Variants in FAM3D observed in about 807,000 individuals in gnomAD.
The protein encoded by FAM3D is protein FAM3D.
Under a neutral mutation model 29.8 loss-of-function variants are expected in FAM3D, and 26 were observed. The ratio of observed to expected loss-of-function variants is 0.87; its 90% CI spans 0.64 to 1.21. FAM3D has a LOEUF of 1.21. FAM3D is among the 50% of genes most tolerant of loss of function. FAM3D has a pLI of 0.00. For synonymous variants in FAM3D, 115 were observed against 102.3 expected (o/e 1.12, Z -0.75); for missense variants, 253 against 290.9 (o/e 0.87, Z 0.95).
chr3:58,641,913 G>C (rs1363738357), intron 6 of FAM3D, among the ~76,000 whole-genome samples: 1 of 152,198 alleles, frequency 6.6e-6, no homozygotes, highest in Non-Finnish European at 1.5e-5. Context: ...ACCCATTTAG[G>C]GGAGAAAGTC....
chr3:58,653,687 C>T lies in FAM3D; in HGVS notation c.108G>A (p.Leu36=), dbSNP rs774015496. 1.3e-5 allele frequency: 21 copies of T among 1,613,734 alleles called. No individual in the cohort carries two copies. Among genetic ancestry groups the T allele is most frequent in the Non-Finnish European group, 2.5e-6 (3 of 1,180,036 alleles). Residue 36 remains leucine (L), a synonymous_variant, in exon 3 of 10, where the codon CTG becomes CTA. Transcript: ENST00000358781. The part of the protein sequence containing the change: ...YMSFSMKTIR[L]PRWLAASPTK... ...AGCCCCACTCACCCAGCCAGCGTGG[C>T]AGACGGATGGTTTTCATGCTGAAGC...
Position 58,633,988 on chromosome 3 carries a change from G to A in FAM3D, c.*291C>T, listed in dbSNP as rs974911034. 2.0e-5 allele frequency: 8 copies of A among 408,828 alleles called. No individual in the cohort carries two copies. Among genetic ancestry groups the A allele is most frequent in the Non-Finnish European group, 3.5e-5 (8 of 228,694 alleles). The allele number at this position is 408,828 out of a possible 1,614,324, so 25.3% of individuals were successfully genotyped here. On this transcript the variant is annotated 3_prime_UTR_variant, in exon 10 of 10. Coordinates refer to ENST00000358781, the MANE Select transcript of FAM3D (RefSeq NM_138805.3). ...TAAAATTTAATTGGGCTCAAGTCTG[G>A]GCAGTTTGTCCTTCCTCAGGACCAG...
intron 6 of FAM3D, among the ~76,000 whole-genome samples, chr3:58,640,874 T>C (rs1027386495): frequency 1.2e-4 from 19 of 152,164 alleles, no homozygotes; most frequent in Admixed American, 4.6e-4. Context: ...GCCTAGGCTG[T>C]CCAGGTGGCG....
chr3:58,653,236 G>A (rs1371417112), intron 3 of FAM3D, among the ~76,000 whole-genome samples: 5 of 152,196 alleles, frequency 3.3e-5, no homozygotes, highest in African/African-American at 4.8e-5. Flanking sequence ...GCTGAAACTC[G>A]AAGGCTGAGA....
intron 2 of FAM3D, 22 bp downstream of exon 2, chr3:58,655,529 C>T (rs751875575): frequency 3.1e-6 from 5 of 1,613,342 alleles, no homozygotes; most frequent in Non-Finnish European, 4.2e-6. Context: ...AAAATGACTC[C>T]AAAACCAATT....
At chr3:58,640,408 CT>C (rs2106745437) in intron 6 of FAM3D, among the ~76,000 whole-genome samples, 1 of 152,320 alleles carries the variant, frequency 6.6e-6, no homozygotes, top group South Asian at 2.1e-4. Flanking sequence ...CGAACTGAGT[CT>C]ACTCAGTCTG....
intron 1 of FAM3D, 118 bp downstream of exon 1, chr3:58,666,458 T>C: frequency 6.6e-6 from 1 of 152,280 alleles, no homozygotes; most frequent in African/African-American, 2.4e-5. Flanking sequence ...TTCTTTCCTT[T>C]CATCATTCTG....
intron 6 of FAM3D, among the ~76,000 whole-genome samples, chr3:58,642,922 C>A (rs1360236924): frequency 2.0e-5 from 3 of 152,182 alleles, no homozygotes; most frequent in Admixed American, 2.0e-4. Context: ...TGTTGCCCTG[C>A]AAACCTCTCT....
intron 1 of FAM3D, among the ~76,000 whole-genome samples, chr3:58,663,259 C>T (rs1180829229): frequency 6.6e-6 from 1 of 152,174 alleles, no homozygotes. Flanking sequence ...GCTGGAGTGG[C>T]TAAGTTGAGA....
chr3:58,663,575 C>T (rs768135503), intron 1 of FAM3D, among the ~76,000 whole-genome samples: 29 of 152,164 alleles, frequency 1.9e-4, no homozygotes, highest in Admixed American at 1.7e-3. Context: ...AAGAAAGACT[C>T]GGATTACACT....
intron 1 of FAM3D, among the ~76,000 whole-genome samples, chr3:58,656,379 C>T (rs1303233942): frequency 2.0e-5 from 3 of 152,192 alleles, no homozygotes; most frequent in African/African-American, 7.2e-5. Context: ...GCTGAACACT[C>T]CCTGAAACCC....
intron 3 of FAM3D, among the ~76,000 whole-genome samples, chr3:58,650,438 C>T (rs1176859864): frequency 6.6e-6 from 1 of 152,068 alleles, no homozygotes; most frequent in Non-Finnish European, 1.5e-5. Context: ...AGAGAAAGTG[C>T]TTTTTCAGCC....
chr3:58,650,874 C>T (rs956068285), intron 3 of FAM3D, among the ~76,000 whole-genome samples: 10 of 152,296 alleles, frequency 6.6e-5, no homozygotes, highest in Non-Finnish European at 4.4e-5. Flanking sequence ...CCCGCCACCA[C>T]GCCCGGCTAA....
rs1193052565 is a variant in FAM3D, at chr3:58,653,749, T to C, written c.46A>G (p.Ile16Val). ...CGAATAAACATCCATGTCGTGACTA[T>C]GGCAAAGATGAGGGCCAGGAGGCGA... ...VLRLLALIFA[I>V]VTTWMFIRSY... The change falls in exon 3 of 10, where the codon ATA (isoleucine) becomes GTA (valine). Residue 16 changes from isoleucine to valine, a missense_variant. Physicochemically the swap from Ile to Val is conservative, Grantham distance 29. Transcript: ENST00000358781. 1 of 1,614,042 alleles carries C rather than the reference T, an allele frequency of 6.2e-7. No homozygotes were observed. Among genetic ancestry groups the C allele is most frequent in the Non-Finnish European group, 8.5e-7 (1 of 1,180,036 alleles).
chr3:58,653,527 G>A, intron 3 of FAM3D, 147 bp downstream of exon 3: 1 of 761,478 alleles, frequency 1.3e-6, no homozygotes, highest in Non-Finnish European at 2.2e-6. Flanking sequence ...TAGTCTGGGG[G>A]TGCCCCCTCT....
At chr3:58,666,159 A>G (rs1215245290) in intron 1 of FAM3D, among the ~76,000 whole-genome samples, 1 of 152,188 alleles carries the variant, frequency 6.6e-6, no homozygotes, top group Non-Finnish European at 1.5e-5. Flanking sequence ...TTTTGAATCA[A>G]TAGATGAGTG....
At chr3:58,658,775 G>A (rs945777943) in intron 1 of FAM3D, among the ~76,000 whole-genome samples, 1 of 152,186 alleles carries the variant, frequency 6.6e-6, no homozygotes, top group Admixed American at 6.5e-5. Context: ...TGCAATTGAT[G>A]TATGGGAAAC....
At chr3:58,643,525 G>T in intron 6 of FAM3D, 137 bp downstream of exon 6, 3 of 946,624 alleles carry the variant, frequency 3.2e-6, no homozygotes, top group Non-Finnish European at 5.1e-6. Context: ...GGCCAGCCAC[G>T]CTTCCCCTCC....
At position 58,653,738 on chromosome 3, in the gene FAM3D, T is replaced by A; in HGVS notation, c.57A>T (p.Thr19=). ...TCATGTAGCTTCGAATAAACATCCA[T>A]GTCGTGACTATGGCAAAGATGAGGG... is the stretch of plus-strand genomic sequence containing the variant. ...LLALIFAIVT[T]WMFIRSYMSF... is the part of the protein sequence containing the mutation. Residue 19 remains threonine (T), a synonymous_variant, in exon 3 of 10, where the codon ACA becomes ACT. Coordinates refer to ENST00000358781, the MANE Select transcript of FAM3D (RefSeq NM_138805.3). 3.7e-6 allele frequency: 6 copies of A among 1,614,072 alleles called. No homozygotes were observed. Among genetic ancestry groups the A allele is most frequent in the Non-Finnish European group, 5.1e-6 (6 of 1,180,034 alleles).
Sources: allele counts gnomAD v4.1 joint callset (sites outside exome capture counted in the v4.1 genomes callset), GRCh38; gene constraint gnomAD v4.1.1; transcripts MANE v1.5; gene names NCBI Gene and HGNC (gene_info 2026-07-23, HGNC 2026-07-21).